Variants in ARFGEF1 observed in about 807,000 individuals in gnomAD.
ARFGEF1 encodes brefeldin A-inhibited guanine nucleotide-exchange protein 1.
A neutral mutation model predicts 231.0 loss-of-function variants in ARFGEF1; 42 were observed. The ratio of observed to expected loss-of-function variants is 0.18; its 90% CI spans 0.14 to 0.24. ARFGEF1 has a LOEUF of 0.24. Among genes scored for constraint, ARFGEF1 ranks in the 10% least tolerant of loss-of-function variants. The pLI is 1.00. For synonymous variants in ARFGEF1, 710 were observed against 732.3 expected (o/e 0.97, Z 0.49); for missense variants, 1,345 against 2,192.0 (o/e 0.61, Z 7.72).
At chr8:67,292,389 AAC>A (rs1044125064) in intron 5 of ARFGEF1, among the ~76,000 whole-genome samples, 1 of 152,146 alleles carries the variant, frequency 6.6e-6, no homozygotes, top group Non-Finnish European at 1.5e-5. Flanking sequence ...GTGTGGATGA[AAC>A]ACACGCACAC....
Position 67,258,266 on chromosome 8 carries a change from C to G in ARFGEF1, c.2260G>C (p.Asp754His). 6.2e-7 allele frequency: 1 copy of G among 1,601,956 alleles called. No homozygotes were observed. Among genetic ancestry groups the G allele is most frequent in the Non-Finnish European group, 8.5e-7 (1 of 1,169,998 alleles). The change falls in exon 16 of 39, where the codon GAT becomes CAT. Residue 754 changes from aspartate to histidine, a missense_variant. Around this residue, in one of 14 missense-constraint regions of ARFGEF1, gnomAD observed 105 missense variants for 159.3 expected, o/e 0.66. Coordinates refer to ENST00000262215, the MANE Select transcript of ARFGEF1 (RefSeq NM_006421.5). ...DSTQVGEFLGDNDKFNKEVMY... is the reference protein window; with the variant it reads ...DSTQVGEFLGHNDKFNKEVMY... ...ACTTCTTTGTTAAATTTATCATTAT[C>G]TCCCAGGAACTCACCCACTTGAGTC... is the stretch of plus-strand genomic sequence containing the variant.
At chr8:67,229,375 T>C (rs1839481612) in intron 23 of ARFGEF1, among the ~76,000 whole-genome samples, 1 of 152,044 alleles carries the variant, frequency 6.6e-6, no homozygotes, top group South Asian at 2.1e-4. Context: ...AATCTAAATG[T>C]TCTGAGTATA....
At chr8:67,200,945 C>T (rs1838304251) in intron 37 of ARFGEF1, among the ~76,000 whole-genome samples, 1 of 152,198 alleles carries the variant, frequency 6.6e-6, no homozygotes, top group African/African-American at 2.4e-5. Context: ...TAGGTGATCC[C>T]TTAAAATTCT....
intron 6 of ARFGEF1, among the ~76,000 whole-genome samples, chr8:67,288,641 G>A (rs1805863332): frequency 6.6e-6 from 1 of 152,136 alleles, no homozygotes; most frequent in Non-Finnish European, 1.5e-5. Flanking sequence ...GCTGAGGCAG[G>A]AGAACTGCTT....
intron 3 of ARFGEF1, among the ~76,000 whole-genome samples, chr8:67,300,556 C>T (rs1292810954): frequency 5.9e-5 from 9 of 151,280 alleles, no homozygotes; most frequent in African/African-American, 1.5e-4. Flanking sequence ...CAGTGGCTCA[C>T]GCCTGTAATC....
At chr8:67,281,213 A>G (rs980656373) in intron 7 of ARFGEF1, among the ~76,000 whole-genome samples, 1 of 152,194 alleles carries the variant, frequency 6.6e-6, no homozygotes, top group Non-Finnish European at 1.5e-5. Flanking sequence ...AGACTGCAAT[A>G]GCAATCAAGG....
chr8:67,341,712 T>C (rs1327285108), intron 1 of ARFGEF1, among the ~76,000 whole-genome samples: 1 of 152,222 alleles, frequency 6.6e-6, no homozygotes, highest in East Asian at 1.9e-4. Context: ...AATCACTTTC[T>C]CCCCAGTCTC....
rs1840361978 is a variant in ARFGEF1 at position 67,253,442 on chromosome 8, G to A, written c.2698+9C>T. ...GAACAATCAGAATTCAATTAATTTA[G>A]ATACTTACTCTGTTTACTTGATTTT... is the stretch of plus-strand genomic sequence containing the variant. On this transcript the variant is annotated intron_variant, in intron 18 of 38. Transcript: ENST00000262215. 1 of 1,508,420 alleles carries A rather than the reference G, an allele frequency of 6.6e-7. No homozygotes were observed. Among genetic ancestry groups the A allele is most frequent in the Admixed American group, 1.9e-5 (1 of 53,416 alleles). The allele number at this position is 1,508,420 out of a possible 1,614,324, so 93.4% of individuals were successfully genotyped here. A position where few individuals can be genotyped will look rare whatever the true frequency, so the allele number is the denominator to read the frequency against.
At chr8:67,307,477 A>G (rs1806802017) in intron 1 of ARFGEF1, among the ~76,000 whole-genome samples, 1 of 152,254 alleles carries the variant, frequency 6.6e-6, no homozygotes, top group African/African-American at 2.4e-5. Context: ...AGGAAGAAGA[A>G]TGGAACAATC....
intron 14 of ARFGEF1, among the ~76,000 whole-genome samples, chr8:67,264,138 TAG>T (rs1367060404): frequency 2.0e-5 from 3 of 151,908 alleles, no homozygotes; most frequent in Non-Finnish European, 2.9e-5. Flanking sequence ...AGGGAAAAAA[TAG>T]ACTTTCATTC....
intron 28 of ARFGEF1, among the ~76,000 whole-genome samples, chr8:67,225,636 C>T (rs1164449857): frequency 2.6e-5 from 4 of 152,102 alleles, no homozygotes; most frequent in Admixed American, 2.6e-4. Context: ...AGACAAGATG[C>T]ACTGTAGGGA....
At chr8:67,260,256 A>C (rs1215414597) in intron 14 of ARFGEF1, among the ~76,000 whole-genome samples, 1 of 152,222 alleles carries the variant, frequency 6.6e-6, no homozygotes, top group Non-Finnish European at 1.5e-5. Flanking sequence ...GCCATGTAGT[A>C]GACGAACTTT....
chr8:67,229,443 A>G (rs1839483507), intron 23 of ARFGEF1, among the ~76,000 whole-genome samples: 1 of 152,078 alleles, frequency 6.6e-6, no homozygotes, highest in African/African-American at 2.4e-5. Context: ...AATGAGTAAA[A>G]AACAATATAG....
At chr8:67,334,999 T>C (rs1186869065) in intron 1 of ARFGEF1, among the ~76,000 whole-genome samples, 1 of 151,712 alleles carries the variant, frequency 6.6e-6, no homozygotes, top group Non-Finnish European at 1.5e-5. Context: ...ATCATTACAC[T>C]CAAAAAAAGT....
At chr8:67,202,268 CTTTTT>C (rs1037682705) in intron 36 of ARFGEF1, among the ~76,000 whole-genome samples, 6 of 151,932 alleles carry the variant, frequency 3.9e-5, no homozygotes, top group East Asian at 1.9e-4. Flanking sequence ...TTTTTCTTTT[CTTTTT>C]TTAAGAGATG....
At chr8:67,326,382 T>C (rs1342253322) in intron 1 of ARFGEF1, among the ~76,000 whole-genome samples, 1 of 152,186 alleles carries the variant, frequency 6.6e-6, no homozygotes, top group Non-Finnish European at 1.5e-5. Context: ...TCTATACTGG[T>C]TAACACCGGG....
intron 9 of ARFGEF1, among the ~76,000 whole-genome samples, chr8:67,273,044 T>C (rs971427258): frequency 2.0e-5 from 3 of 151,874 alleles, no homozygotes; most frequent in Non-Finnish European, 2.9e-5. Flanking sequence ...GAGGTGGAGG[T>C]TGCAGTGAGC....
At chr8:67,228,815 C>T (rs948815888) in intron 23 of ARFGEF1, among the ~76,000 whole-genome samples, 1 of 151,984 alleles carries the variant, frequency 6.6e-6, no homozygotes, top group African/African-American at 2.4e-5. Flanking sequence ...CTAACACTGC[C>T]CAGCTTTGCC....
downstream of ARFGEF1, chr8:67,174,806 C>T (rs1418855016): frequency 6.5e-6 from 1 of 153,254 alleles, no homozygotes; most frequent in Admixed American, 6.5e-5. Flanking sequence ...CCCTCAAGTT[C>T]CAGCCAGTCT....
Sources: allele counts gnomAD v4.1 joint callset (sites outside exome capture counted in the v4.1 genomes callset), GRCh38; gene constraint gnomAD v4.1.1; regional missense constraint gnomAD v4.1.1; transcripts MANE v1.5; gene names NCBI Gene and HGNC (gene_info 2026-07-23, HGNC 2026-07-21).